The following FBXO34 variants were observed in gnomAD, a reference collection of about 807,000 sequenced individuals.
FBXO34 encodes the protein F-box only protein 34.
FBXO34 carries 12 observed loss-of-function variants against 24.5 expected under a neutral mutation model. That is an observed-to-expected ratio of 0.49 (90% CI 0.31 to 0.79). The LOEUF is 0.79. Among genes scored for constraint, FBXO34 ranks in the 30% least tolerant of loss-of-function variants. FBXO34 has a pLI of 0.04. For synonymous variants in FBXO34, 320 were observed against 311.9 expected, an observed-to-expected ratio of 1.03 and a Z score of -0.27; for missense variants, 823 against 857.7, an observed-to-expected ratio of 0.96 and a Z score of 0.51.
At position 55,290,814 on chromosome 14, in the gene FBXO34, T is replaced by C. The variant is rs1245340171; in HGVS notation, c.-11+19277T>C. ...AACAATGCTGCAGTGAATAACCTTA[T>C]TCAGATTTATTTTTATTTATTTATT... On this transcript the variant is annotated intron_variant, in intron 1 of 1. Coordinates refer to ENST00000313833, the MANE Select transcript of FBXO34 (RefSeq NM_017943.4). 5.9e-5 allele frequency among the ~76,000 whole-genome samples: 9 copies of C among 152,176 alleles called. 1 individual carries two copies. Among genetic ancestry groups the C allele is most frequent in the Admixed American group, 5.9e-4 (9 of 15,276 alleles).
intron 1 of FBXO34, among the ~76,000 whole-genome samples, chr14:55,289,867 AAAAC>A (rs1881884907): frequency 6.6e-6 from 1 of 152,150 alleles, no homozygotes; most frequent in Non-Finnish European, 1.5e-5. Flanking sequence ...TTTAAAAAAA[AAAAC>A]AAGTATGGTA....
chr14:55,437,878 T>G, the FBXO34 span, among the ~76,000 whole-genome samples: 1 of 152,224 alleles, frequency 6.6e-6, no homozygotes, highest in African/African-American at 2.4e-5. Flanking sequence ...TAGAAGAATT[T>G]ACACTAGGAA....
At chr14:55,365,916 C>T (rs919984882), downstream of FBXO34, among the ~76,000 whole-genome samples, 4 of 152,104 alleles carry the variant, frequency 2.6e-5, no homozygotes, top group East Asian at 1.9e-4. Context: ...TGAAGGGTAC[C>T]GCCGACTACC....
the FBXO34 span, among the ~76,000 whole-genome samples, chr14:55,429,640 C>A: frequency 2.0e-5 from 3 of 151,812 alleles, no homozygotes; most frequent in African/African-American, 4.8e-5. Flanking sequence ...GTGGCGGGCA[C>A]CTGTAATCCC....
chr14:55,271,902 A>G (rs1351506341), intron 1 of FBXO34: 2 of 152,164 alleles, frequency 1.3e-5, no homozygotes, highest in African/African-American at 4.8e-5. Flanking sequence ...GCGGTGAGGA[A>G]GTCAGCCTCT....
chr14:55,350,687 C>T lies in FBXO34; in HGVS notation c.297C>T (p.Gly99=), dbSNP rs370719777. 3.9e-5 allele frequency: 63 copies of T among 1,613,356 alleles called. No homozygotes were observed. Among genetic ancestry groups the T allele is most frequent in the African/African-American group, 2.5e-4 (19 of 74,776 alleles). Residue 99 remains glycine, a synonymous_variant, in exon 2 of 2, where the codon GGC becomes GGT. Coordinates refer to ENST00000313833, the MANE Select transcript of FBXO34 (RefSeq NM_017943.4). ...CACCATCTGCAACGATCCACCAGGG[C>T]GAAGAAGAAGGACCACTTGATATCT... ...KNAPSATIHQ[G]EEEGPLDIWA... is the part of the protein sequence containing the mutation.
chr14:55,362,017 T>G (rs543082365), downstream of FBXO34: 2 of 152,380 alleles, frequency 1.3e-5, no homozygotes, highest in South Asian at 4.1e-4. Flanking sequence ...CTTGGCTGTT[T>G]GGCACAAGAG....
At chr14:55,414,245 C>G in the FBXO34 span, 1 of 671,878 alleles carries the variant, frequency 1.5e-6, no homozygotes, top group Non-Finnish European at 2.5e-6. Flanking sequence ...TCTTAGGTTA[C>G]TTACACAGAG....
intron 1 of FBXO34, among the ~76,000 whole-genome samples, chr14:55,317,502 C>A (rs1016345312): frequency 5.3e-5 from 8 of 151,778 alleles, no homozygotes; most frequent in Admixed American, 2.0e-4. Flanking sequence ...AAACAAAAAC[C>A]AAAAAACGGT....
the FBXO34 span, chr14:55,380,556 C>A: frequency 6.7e-7 from 1 of 1,497,464 alleles, no homozygotes; most frequent in Non-Finnish European, 9.3e-7. Flanking sequence ...ATGACATTAC[C>A]ACCTTCAATT....
At chr14:55,288,553 C>G (rs1287586383) in intron 1 of FBXO34, among the ~76,000 whole-genome samples, 1 of 152,160 alleles carries the variant, frequency 6.6e-6, no homozygotes, top group African/African-American at 2.4e-5. Context: ...TGATACATTT[C>G]TCAGAAATCC....
chr14:55,342,593 C>A (rs1205074326), intron 1 of FBXO34, among the ~76,000 whole-genome samples: 1 of 151,914 alleles, frequency 6.6e-6, no homozygotes, highest in Non-Finnish European at 1.5e-5. Flanking sequence ...TGCATTTTTT[C>A]TGTCAGTGCT....
chr14:55,370,754 C>A (rs8021377), downstream of FBXO34, among the ~76,000 whole-genome samples: 15,199 of 152,006 alleles, frequency 0.1, 2,106 homozygotes, highest in African/African-American at 0.31. Flanking sequence ...GATTCTCCTG[C>A]CTCAACCTCC....
the FBXO34 span, among the ~76,000 whole-genome samples, chr14:55,387,574 G>A: frequency 0.019 from 2,896 of 152,190 alleles, 90 homozygotes; most frequent in African/African-American, 0.062. Flanking sequence ...GGTATAAAAC[G>A]TACCTGATAA....
chr14:55,393,787 G>C, the FBXO34 span, among the ~76,000 whole-genome samples: 2 of 151,908 alleles, frequency 1.3e-5, no homozygotes, highest in South Asian at 4.1e-4. Context: ...TCCTGGGCTT[G>C]AGCAATCCAC....
chr14:55,328,682 T>C (rs1392751717), intron 1 of FBXO34, among the ~76,000 whole-genome samples: 2 of 152,222 alleles, frequency 1.3e-5, no homozygotes, highest in East Asian at 3.8e-4. Context: ...AAACTTGTAG[T>C]CCTGGAGAGA....
the FBXO34 span, chr14:55,438,749 T>C: frequency 3.9e-5 from 6 of 152,252 alleles, no homozygotes; most frequent in African/African-American, 1.4e-4. Context: ...ACTGCATCCT[T>C]GGCTTCAGAA....
intron 1 of FBXO34, chr14:55,299,080 A>T: frequency 6.8e-7 from 1 of 1,472,124 alleles, no homozygotes; most frequent in East Asian, 2.3e-5. Flanking sequence ...TTTGGAGAAA[A>T]GTCTGACGAG....
chr14:55,427,027 T>C, the FBXO34 span, among the ~76,000 whole-genome samples: 5 of 152,232 alleles, frequency 3.3e-5, no homozygotes, highest in Middle Eastern at 3.2e-3. Context: ...GGCAGAGCTC[T>C]TGCAGATGTA....
Sources: gnomAD v4.1 joint callset for allele counts (sites outside exome capture counted in the v4.1 genomes callset) on GRCh38, gnomAD v4.1.1 for gene constraint, MANE v1.5 for transcripts, NCBI Gene and HGNC (gene_info 2026-07-23, HGNC 2026-07-21) for gene names.